CUX2: variants seen among roughly 807,000 people sequenced by gnomAD.
CUX2 encodes homeobox protein cut-like 2.
A neutral mutation model predicts 144.8 loss-of-function variants in CUX2; 40 were observed. The ratio of observed to expected loss-of-function variants is 0.28; its 90% CI spans 0.21 to 0.36. The LOEUF is 0.36. CUX2 is among the 10% of genes least tolerant of loss of function. CUX2 has a pLI of 1.00. For synonymous variants in CUX2, 827 were observed against 875.6 expected, an observed-to-expected ratio of 0.94 and a Z score of 0.98; for missense variants, 1,615 against 1,994.0, an observed-to-expected ratio of 0.81 and a Z score of 3.62.
intron 4 of CUX2, among the ~76,000 whole-genome samples, chr12:111,285,707 G>A (rs979078440): frequency 1.3e-5 from 2 of 152,234 alleles, no homozygotes; most frequent in Non-Finnish European, 2.9e-5. Flanking sequence ...ATTTTTCCGT[G>A]TGGGAAATCG....
intron 4 of CUX2, among the ~76,000 whole-genome samples, chr12:111,288,600 G>A (rs575284943): frequency 2.5e-4 from 38 of 152,154 alleles, no homozygotes; most frequent in Admixed American, 1.6e-3. Flanking sequence ...GCCAAAGCAG[G>A]CAGATCACCT....
At chr12:111,311,604 T>TTA (rs201381435) in intron 15 of CUX2, among the ~76,000 whole-genome samples, 1,441 of 109,714 alleles carry the variant, frequency 0.013, 38 homozygotes, top group African/African-American at 0.064. Context: ...ATTATTATTA[T>TTA]TTTTTTTTTT....
chr12:111,279,874 C>T (rs1380360211), intron 4 of CUX2, among the ~76,000 whole-genome samples: 1 of 152,174 alleles, frequency 6.6e-6, no homozygotes, highest in Non-Finnish European at 1.5e-5. Flanking sequence ...CCCAGCTACT[C>T]GGGAGGCTGA....
At position 111,126,688 on chromosome 12, in the gene CUX2, C is replaced by G. The variant is rs189117638; in HGVS notation, c.64-87512C>G. On this transcript the variant is annotated intron_variant, in intron 1 of 21. Coordinates refer to ENST00000261726, the MANE Select transcript of CUX2 (RefSeq NM_015267.4). ...CTTCTGACTCAAATGTTCATCTCAT[C>G]TGGAGGCCCCGTCACAGATACCCCC... 7.9e-5 allele frequency among the ~76,000 whole-genome samples: 12 copies of G among 152,306 alleles called. No individual in the cohort carries two copies. In the East Asian group the frequency reaches 2.1e-3, roughly 27 times the overall value.
At chr12:111,107,338 T>A (rs981626828) in intron 1 of CUX2, among the ~76,000 whole-genome samples, 1 of 152,252 alleles carries the variant, frequency 6.6e-6, no homozygotes, top group Non-Finnish European at 1.5e-5. Context: ...AAGTTTCTCC[T>A]TTGCAGGAAC....
At chr12:111,071,142 A>G in intron 1 of CUX2, among the ~76,000 whole-genome samples, 1 of 151,636 alleles carries the variant, frequency 6.6e-6, no homozygotes, top group Non-Finnish European at 1.5e-5. Context: ...ATATGAAGGA[A>G]CAAGATTGCT....
At chr12:111,315,752 G>A (rs1887155075) in intron 16 of CUX2, among the ~76,000 whole-genome samples, 1 of 152,096 alleles carries the variant, frequency 6.6e-6, no homozygotes, top group South Asian at 2.1e-4. Flanking sequence ...GGGCATAGTG[G>A]CAAATGCATG....
chr12:111,162,788 G>A (rs887843673), intron 1 of CUX2, among the ~76,000 whole-genome samples: 2 of 152,202 alleles, frequency 1.3e-5, no homozygotes, highest in Non-Finnish European at 2.9e-5. Context: ...GCTCACGCCT[G>A]TAATCCCAGC....
intron 8 of CUX2, 75 bp from the exon 9 acceptor site, chr12:111,298,466 C>T (rs1390908655): frequency 6.8e-7 from 1 of 1,478,162 alleles, no homozygotes; most frequent in African/African-American, 1.4e-5. Flanking sequence ...CAGGCAGGGG[C>T]TGGGGGTGTC....
chr12:111,075,300 G>A (rs899794678), intron 1 of CUX2, among the ~76,000 whole-genome samples: 20 of 152,210 alleles, frequency 1.3e-4, no homozygotes, highest in African/African-American at 3.9e-4. Flanking sequence ...GGATCAGGTC[G>A]AGGGGCCTTT....
rs1219014380 is a variant in CUX2, at chr12:111,318,238, CTTTTTTCTT to C, written c.2003-1767_2003-1759del. Among the ~76,000 whole-genome samples the C allele has an allele frequency of 4.9e-3, 540 of 109,650 alleles. 5 individuals are homozygous for C. The highest frequency in any genetic ancestry group is 0.025 in the African/African-American group (519 of 20,952). 71.9% of individuals were successfully genotyped at this position (109,650 alleles called of 152,430 possible). The stretch of plus-strand genomic sequence containing the variant: ...CACCATGCCTGGCTAATTTTTTTTT[CTTTTTTCTT>C]TTTTTTTTTTTTTTCACTTTTTTGT... On this transcript the variant is annotated intron_variant, in intron 16 of 21. Coordinates refer to ENST00000261726, the MANE Select transcript of CUX2 (RefSeq NM_015267.4).
chr12:111,224,073 GGACCAGCTCT>G (rs1881997978), intron 3 of CUX2, among the ~76,000 whole-genome samples: 1 of 152,104 alleles, frequency 6.6e-6, no homozygotes, highest in Non-Finnish European at 1.5e-5. Flanking sequence ...AGCAGAGGAG[GGACCAGCTCT>G]GACTCAGATT....
At chr12:111,285,933 G>T (rs1193528086) in intron 4 of CUX2, among the ~76,000 whole-genome samples, 1 of 152,216 alleles carries the variant, frequency 6.6e-6, no homozygotes, top group Non-Finnish European at 1.5e-5. Flanking sequence ...CAACTCTCCA[G>T]CGGATTTCAG....
intron 1 of CUX2, among the ~76,000 whole-genome samples, chr12:111,084,287 C>T (rs1336639063): frequency 6.6e-6 from 1 of 152,204 alleles, no homozygotes; most frequent in African/African-American, 2.4e-5. Flanking sequence ...GCCCTTTCCT[C>T]CCATTCCTGC....
At chr12:111,126,659 T>C (rs1465328940) in intron 1 of CUX2, among the ~76,000 whole-genome samples, 1 of 152,212 alleles carries the variant, frequency 6.6e-6, no homozygotes. Flanking sequence ...CTGCTTTACT[T>C]GGTCTTCTGA....
chr12:111,200,635 G>A lies in CUX2; in HGVS notation c.64-13565G>A, dbSNP rs556548348. On this transcript the variant is annotated intron_variant, in intron 1 of 21. Transcript: ENST00000261726. ...CCCATTCAATCCAGGCCTCCCTCCC[G>A]GAGGTGTCGTCACTTGGCTCAGTGT... Among the ~76,000 whole-genome samples, 11 of 152,180 alleles carry A rather than the reference G, an allele frequency of 7.2e-5. No individual in the cohort carries two copies. In the South Asian group the frequency reaches 8.3e-4, roughly 11 times the overall value.
chr12:111,269,002 T>C (rs1884518123), intron 4 of CUX2, among the ~76,000 whole-genome samples: 1 of 152,186 alleles, frequency 6.6e-6, no homozygotes, highest in East Asian at 1.9e-4. Context: ...CAGATTCAAA[T>C]CCTGTTTGTG....
intron 16 of CUX2, among the ~76,000 whole-genome samples, chr12:111,314,441 G>A (rs1300811763): frequency 1.3e-5 from 2 of 152,094 alleles, no homozygotes; most frequent in African/African-American, 4.8e-5. Context: ...AGGAGTTTGA[G>A]ACTAGCCTGG....
At position 111,310,567 on chromosome 12, in the gene CUX2, C is replaced by G. The variant is rs1334621499; in HGVS notation, c.1785C>G (p.Pro595=). The G allele has an allele frequency of 6.2e-7, 1 of 1,613,968 alleles. No homozygotes were observed. Among genetic ancestry groups the G allele is most frequent in the South Asian group, 1.1e-5 (1 of 91,086 alleles). The change falls in exon 15 of 22, where the codon CCC becomes CCG. Residue 595 remains proline, a synonymous_variant. Transcript: ENST00000261726. This position sits in a 1 kb window ranked among gnomAD's most constrained non-coding sequence, Gnocchi z 7.9. ...QGSVSEILAR[P]KPWRKLTVKG... ...CGGTCAGCGAGATCCTAGCCCGGCCCAAGCCCTGGCGCAAGCTCACGGTGA... is the reference window on the plus strand; with the variant it reads ...CGGTCAGCGAGATCCTAGCCCGGCCGAAGCCCTGGCGCAAGCTCACGGTGA...
Sources: allele counts gnomAD v4.1 joint callset (sites outside exome capture counted in the v4.1 genomes callset), GRCh38; gene constraint gnomAD v4.1.1; non-coding constraint Gnocchi (gnomAD v3.1); transcripts MANE v1.5; gene names NCBI Gene and HGNC (gene_info 2026-07-23, HGNC 2026-07-21).